Variants in CD8B2 observed in about 807,000 individuals in gnomAD.
CD8B2 encodes the protein T-cell surface glycoprotein CD8 beta-2 chain.
In CD8B2, 11 loss-of-function variants were observed where a neutral mutation model predicts 23.7. The observed-to-expected ratio is 0.46, with a 90% confidence interval of 0.29 to 0.77. CD8B2 has a LOEUF of 0.77. Among genes scored for constraint, CD8B2 ranks in the 30% least tolerant of loss-of-function variants. The pLI, the probability that CD8B2 is intolerant of heterozygous loss-of-function variation, is 0.09. For synonymous variants in CD8B2, 90 were observed against 109.3 expected (o/e 0.82, Z 1.10); for missense variants, 197 against 270.5 (o/e 0.73, Z 1.91).
intron 3 of CD8B2, among the ~76,000 whole-genome samples, chr2:106,499,356 A>C (rs1182627946): frequency 2.6e-5 from 4 of 152,060 alleles, no homozygotes; most frequent in Non-Finnish European, 5.9e-5. Context: ...AACATGGCGA[A>C]ACCCGTCTCC....
intron 5 of CD8B2, among the ~76,000 whole-genome samples, chr2:106,520,312 A>T (rs1679804743): frequency 6.6e-6 from 1 of 152,216 alleles, no homozygotes; most frequent in Non-Finnish European, 1.5e-5. Context: ...CTGAAAAATG[A>T]CAGAAGGTGC....
At chr2:106,529,455 G>T (rs970196617) in intron 5 of CD8B2, among the ~76,000 whole-genome samples, 1 of 152,174 alleles carries the variant, frequency 6.6e-6, no homozygotes, top group East Asian at 1.9e-4. Context: ...GCCCAGAAAT[G>T]GTAAGTTTCC....
At chr2:106,517,994 G>C (rs1197395280) in intron 5 of CD8B2, among the ~76,000 whole-genome samples, 1 of 152,104 alleles carries the variant, frequency 6.6e-6, no homozygotes, top group African/African-American at 2.4e-5. Context: ...GATTACAGGC[G>C]GGAGCCACCG....
Position 106,506,991 on chromosome 2 carries a change from C to G in CD8B2, c.*51C>G. ...GCTACAAAAAGACATCGGTCAGTAA[C>G]GAGCACGATGTGGAAAAATGAGAGA... On this transcript the variant is annotated 3_prime_UTR_variant, in exon 6 of 6. Transcript: ENST00000643224. 6.4e-7 allele frequency: 1 copy of G among 1,559,722 alleles called. No individual in the cohort carries two copies. Among genetic ancestry groups the G allele is most frequent in the Admixed American group, 1.9e-5 (1 of 53,020 alleles).
At chr2:106,543,795 A>G (rs1388314404) in intron 5 of CD8B2, among the ~76,000 whole-genome samples, 1 of 152,208 alleles carries the variant, frequency 6.6e-6, no homozygotes, top group East Asian at 1.9e-4. Flanking sequence ...AATTACTCTT[A>G]TTGACTGGAG....
chr2:106,493,644 T>G (rs1484110088), intron 2 of CD8B2, among the ~76,000 whole-genome samples: 10 of 152,218 alleles, frequency 6.6e-5, no homozygotes, highest in Non-Finnish European at 1.5e-4. Flanking sequence ...AGTTTCCTCT[T>G]ACAATAGTTG....
At chr2:106,514,122 C>T (rs1573341956), downstream of CD8B2, among the ~76,000 whole-genome samples, 1 of 137,048 alleles carries the variant, frequency 7.3e-6, no homozygotes, top group South Asian at 2.1e-4. Context: ...GTTCCATCTT[C>T]CTCCATCGAA....
At chr2:106,534,982 C>A (rs531507575) in intron 5 of CD8B2, among the ~76,000 whole-genome samples, 2 of 151,896 alleles carry the variant, frequency 1.3e-5, no homozygotes, top group African/African-American at 4.8e-5. Flanking sequence ...CCACCTTGCC[C>A]GGCTAATTTT....
At chr2:106,537,622 C>T (rs1467567021) in intron 5 of CD8B2, among the ~76,000 whole-genome samples, 1 of 139,406 alleles carries the variant, frequency 7.2e-6, no homozygotes, top group Non-Finnish European at 1.6e-5. Flanking sequence ...TGCCCTTCAG[C>T]TCTCTAAACA....
chr2:106,513,807 A>G (rs138146584), downstream of CD8B2, among the ~76,000 whole-genome samples: 1,871 of 150,696 alleles, frequency 0.012, 34 homozygotes, highest in African/African-American at 0.043. Context: ...AGGTGGGCCT[A>G]CCTTCGGATC....
chr2:106,542,942 G>T (rs1261346442), intron 5 of CD8B2: 1 of 152,068 alleles, frequency 6.6e-6, no homozygotes, highest in African/African-American at 2.4e-5. Flanking sequence ...GTGTTCCAGC[G>T]CAGAACTGCA....
At chr2:106,520,014 G>A (rs2104567898) in intron 5 of CD8B2, among the ~76,000 whole-genome samples, 1 of 152,274 alleles carries the variant, frequency 6.6e-6, no homozygotes, top group African/African-American at 2.4e-5. Flanking sequence ...TACACCCGCT[G>A]GGATGTGGTT....
At chr2:106,543,136 C>T (rs941739110) in intron 5 of CD8B2, 18 of 152,132 alleles carry the variant, frequency 1.2e-4, no homozygotes, top group African/African-American at 4.1e-4. Context: ...CGGAAGGACC[C>T]GGGCTTCTCA....
intron 5 of CD8B2, among the ~76,000 whole-genome samples, chr2:106,542,449 T>G (rs1680190301): frequency 6.6e-6 from 1 of 152,118 alleles, no homozygotes; most frequent in South Asian, 2.1e-4. Context: ...TATATTTTTG[T>G]GAGGAAAAAC....
At chr2:106,503,076 C>A (rs1413377991) in intron 4 of CD8B2, among the ~76,000 whole-genome samples, 1 of 147,820 alleles carries the variant, frequency 6.8e-6, no homozygotes, top group African/African-American at 2.5e-5. Flanking sequence ...TGCTCCCAGC[C>A]ACCCCAGAGA....
chr2:106,494,453 ATTTCTTTTCT>A (rs772359931), intron 2 of CD8B2, among the ~76,000 whole-genome samples: 103 of 149,266 alleles, frequency 6.9e-4, no homozygotes, highest in Admixed American at 2.1e-3. Flanking sequence ...CAGCCTTAAT[ATTTCTTTTCT>A]TTTCTTTTCT....
intron 3 of CD8B2, among the ~76,000 whole-genome samples, chr2:106,501,824 T>C (rs1679413845): frequency 6.6e-6 from 1 of 152,238 alleles, no homozygotes; most frequent in African/African-American, 2.4e-5. Context: ...TAATCCTATA[T>C]TTAAATGTCT....
In CD8B2 at chr2:106,507,129, C is replaced by T. The variant is rs1306497647; in HGVS notation, c.*189C>T. The stretch of plus-strand genomic sequence containing the variant: ...TGGGAGCAACTTGTTTGTGGGTCAT[C>T]GGGAATACTAGGGAGAAGGTTTCAT... On this transcript the variant is annotated 3_prime_UTR_variant, in exon 6 of 6. Transcript: ENST00000643224. 1.1e-5 allele frequency: 16 copies of T among 1,460,736 alleles called. No individual in the cohort carries two copies. Among genetic ancestry groups the T allele is most frequent in the South Asian group, 4.5e-5 (3 of 66,770 alleles). 90.5% of individuals were successfully genotyped at this position (1,460,736 alleles called of 1,614,324 possible).
intron 5 of CD8B2, among the ~76,000 whole-genome samples, chr2:106,522,346 C>G (rs889642524): frequency 2.0e-5 from 3 of 151,946 alleles, no homozygotes; most frequent in Non-Finnish European, 2.9e-5. Context: ...AAAGAGAGTC[C>G]AATAATAAAA....
Sources: allele counts gnomAD v4.1 joint callset (sites outside exome capture counted in the v4.1 genomes callset), GRCh38; gene constraint gnomAD v4.1.1; transcripts MANE v1.5; gene names NCBI Gene and HGNC (gene_info 2026-07-23, HGNC 2026-07-21).